SH3D21: variants seen among roughly 807,000 people sequenced by gnomAD.
SH3D21 encodes the protein SH3 domain-containing protein 21.
In SH3D21, 83 loss-of-function variants were observed where a neutral mutation model predicts 82.1. The ratio of observed to expected loss-of-function variants is 1.01; its 90% CI spans 0.85 to 1.21. The LOEUF is 1.21. Ranked by LOEUF, SH3D21 falls within the 50% of genes most tolerant of loss-of-function variation. The pLI, the probability that SH3D21 is intolerant of heterozygous loss-of-function variation, is 0.00. For synonymous variants in SH3D21, 383 were observed against 387.8 expected (o/e 0.99, Z 0.15); for missense variants, 980 against 962.1 (o/e 1.02, Z -0.25).
downstream of SH3D21, among the ~76,000 whole-genome samples, chr1:36,329,509 C>G (rs1489911489): frequency 1.3e-5 from 2 of 152,152 alleles, no homozygotes; most frequent in Non-Finnish European, 2.9e-5. Context: ...ATCTGCCTTC[C>G]TTCCAGGGCT....
At chr1:36,326,023 G>A (rs1646540669), downstream of SH3D21, among the ~76,000 whole-genome samples, 1 of 152,172 alleles carries the variant, frequency 6.6e-6, no homozygotes, top group Non-Finnish European at 1.5e-5. Flanking sequence ...GCTCTCACAG[G>A]GACATCCACA....
At chr1:36,311,160 T>C (rs1209214751) in intron 10 of SH3D21, among the ~76,000 whole-genome samples, 2 of 152,164 alleles carry the variant, frequency 1.3e-5, no homozygotes, top group African/African-American at 4.8e-5. Context: ...CCGCTTGCCT[T>C]GGCCTCCCAA....
intron 10 of SH3D21, among the ~76,000 whole-genome samples, chr1:36,316,882 GC>G (rs34586310): frequency 6.6e-6 from 1 of 151,398 alleles, no homozygotes; most frequent in Non-Finnish European, 1.5e-5. Flanking sequence ...TCCTGCCTCA[GC>G]CCCCCACGTA....
intron 10 of SH3D21, among the ~76,000 whole-genome samples, chr1:36,317,389 G>A (rs1032674282): frequency 7.2e-5 from 11 of 152,204 alleles, no homozygotes; most frequent in South Asian, 2.1e-4. Flanking sequence ...ACGTATCTGC[G>A]TGTGATTATA....
At chr1:36,322,375 G>T (rs1167142403), downstream of SH3D21, 2 of 1,592,126 alleles carry the variant, frequency 1.3e-6, no homozygotes, top group South Asian at 1.1e-5. Context: ...AGGTCCGGCT[G>T]CCCGGTGCGC....
chr1:36,320,878 C>T, intron 14 of SH3D21, 37 bp from the exon 15 acceptor site: 3 of 1,552,770 alleles, frequency 1.9e-6, no homozygotes, highest in Non-Finnish European at 2.6e-6. Context: ...CTCCAGCCCT[C>T]ACCTGCCCAG....
At chr1:36,329,656 C>T (rs947951685), downstream of SH3D21, among the ~76,000 whole-genome samples, 7 of 151,448 alleles carry the variant, frequency 4.6e-5, no homozygotes, top group East Asian at 1.9e-4. Context: ...ACAGGGGAGA[C>T]GGGCATGATC....
At chr1:36,325,126 T>A (rs140614799), downstream of SH3D21, among the ~76,000 whole-genome samples, 1,861 of 152,084 alleles carry the variant, frequency 0.012, 20 homozygotes, top group Non-Finnish European at 0.015. Context: ...AACCTTTACC[T>A]CCTGGGCTCA....
Position 36,306,756 on chromosome 1 carries a change from G to A in SH3D21, c.162+1G>A, listed in dbSNP as rs1039995227. ...CCTCTTCCCCGAGCGCCTGGTGCAGGTGAGGCCGAGCCAGGGGCGGGCTGT... is the reference window on the plus strand; with the variant it reads ...CCTCTTCCCCGAGCGCCTGGTGCAGATGAGGCCGAGCCAGGGGCGGGCTGT... On this transcript the variant is annotated splice_donor_variant, in intron 2 of 15. Transcript: ENST00000453908. LOFTEE classifies it high-confidence loss of function. The surrounding 1 kb of genome is among the most constrained non-coding windows in gnomAD (Gnocchi z 4.5). 1 of 1,290,772 alleles carries A rather than the reference G, an allele frequency of 7.7e-7. No individual in the cohort carries two copies. Among genetic ancestry groups the A allele is most frequent in the Non-Finnish European group, 1.0e-6 (1 of 987,506 alleles). 80.0% of individuals were successfully genotyped at this position (1,290,772 alleles called of 1,614,324 possible).
chr1:36,310,483 G>A (rs896160625), intron 10 of SH3D21, among the ~76,000 whole-genome samples: 2 of 151,940 alleles, frequency 1.3e-5, no homozygotes, highest in African/African-American at 4.8e-5. Context: ...AGGCGTGGTA[G>A]GCATGCCTGT....
rs767624105 is a variant in SH3D21 at position 36,313,972 on chromosome 1, C to CTTTTTTTTTTTTTTT, written c.769+4388_769+4402dup. Among the ~76,000 whole-genome samples, 294 of 36,828 alleles carry CTTTTTTTTTTTTTTT rather than the reference C, an allele frequency of 8.0e-3. 120 individuals are homozygous for CTTTTTTTTTTTTTTT. The highest frequency in any genetic ancestry group is 0.012 in the South Asian group (5 of 418). The allele number at this position is 36,828 out of a possible 152,430, so 24.2% of individuals were successfully genotyped here. A position where few individuals can be genotyped will look rare whatever the true frequency, so the allele number is the denominator to read the frequency against. The stretch of plus-strand genomic sequence containing the variant: ...TGGCTAATGATGCTGAACATATTTT[C>CTTTTTTTTTTTTTTT]TTTTTTTTTTTTTTTTTTTTGAGAC... On this transcript the variant is annotated intron_variant, in intron 10 of 15. Coordinates refer to ENST00000453908, the MANE Select transcript of SH3D21 (RefSeq NM_001162530.2).
At chr1:36,316,317 C>T (rs1646342007) in intron 10 of SH3D21, among the ~76,000 whole-genome samples, 1 of 152,202 alleles carries the variant, frequency 6.6e-6, no homozygotes, top group Non-Finnish European at 1.5e-5. Context: ...TCACTGCAAC[C>T]TCCTCCTTCC....
At chr1:36,322,401 A>G, downstream of SH3D21, 2 of 1,599,684 alleles carry the variant, frequency 1.3e-6, no homozygotes, top group East Asian at 2.2e-5. Context: ...CTCCCGCAGG[A>G]TCCGTTCGCG....
chr1:36,320,827 A>G (rs1158366749), intron 14 of SH3D21, 29 bp downstream of exon 14: 2 of 1,550,442 alleles, frequency 1.3e-6, no homozygotes, highest in Non-Finnish European at 1.7e-6. Context: ...GGGTTGTGGA[A>G]GGTAGGGTTC....
chr1:36,321,576 C>T (rs1481014985), downstream of SH3D21: 1 of 819,426 alleles, frequency 1.2e-6, no homozygotes, highest in Admixed American at 5.0e-5. This position sits in a 1 kb window ranked among gnomAD's most constrained non-coding sequence, Gnocchi z 6.1. Context: ...CCTGTCCGCT[C>T]AGAGGGACTC....
At chr1:36,322,955 C>G, downstream of SH3D21, 1 of 1,606,508 alleles carries the variant, frequency 6.2e-7, no homozygotes, top group Non-Finnish European at 8.5e-7. Context: ...CCCAGTCTTC[C>G]GGCGCCCGCC....
At chr1:36,327,886 T>C, downstream of SH3D21, 2 of 1,289,504 alleles carry the variant, frequency 1.6e-6, no homozygotes. Flanking sequence ...CCTAGCTGCT[T>C]GACTGCCTGC....
chr1:36,327,883 G>T (rs778128302), downstream of SH3D21: 13 of 1,289,756 alleles, frequency 1.0e-5, no homozygotes, highest in Middle Eastern at 2.1e-4. Flanking sequence ...CTGCCTAGCT[G>T]CTTGACTGCC....
chr1:36,328,876 C>A (rs545061731), downstream of SH3D21: 1 of 152,456 alleles, frequency 6.6e-6, no homozygotes, highest in Non-Finnish European at 1.5e-5. Context: ...CTCCGCCCTT[C>A]AGTCTTCCCA....
Sources: gnomAD v4.1 joint callset for allele counts (sites outside exome capture counted in the v4.1 genomes callset) on GRCh38, gnomAD v4.1.1 for gene constraint, Gnocchi (gnomAD v3.1) non-coding constraint, MANE v1.5 for transcripts, NCBI Gene and HGNC (gene_info 2026-07-23, HGNC 2026-07-21) for gene names.